Variants in FAM178B observed in about 807,000 individuals in gnomAD.
FAM178B encodes the protein protein FAM178B.
In FAM178B, 82 loss-of-function variants were observed where a neutral mutation model predicts 91.7. The observed-to-expected ratio is 0.89, with a 90% CI of 0.75 to 1.07. FAM178B has a LOEUF of 1.07. Among genes scored for constraint, FAM178B ranks in the 50% least tolerant of loss-of-function variants. The probability of loss-of-function intolerance (pLI) is 0.00; values close to 1 mark genes in which losing one functional copy is unlikely to be tolerated. For missense variants in FAM178B, 769 were observed against 846.7 expected (o/e 0.91, Z 1.14); for synonymous variants, 368 against 359.4 (o/e 1.02, Z -0.27).
intron 12 of FAM178B, among the ~76,000 whole-genome samples, chr2:96,904,465 G>A (rs2080992330): frequency 6.6e-6 from 1 of 151,842 alleles, no homozygotes; most frequent in South Asian, 2.1e-4. Context: ...TCTGCCTCCC[G>A]GGTTCAAGCA....
At chr2:96,966,185 C>G (rs1465268025) in intron 5 of FAM178B, among the ~76,000 whole-genome samples, 1 of 152,118 alleles carries the variant, frequency 6.6e-6, no homozygotes, top group Admixed American at 6.6e-5. Context: ...GCCAGGTGCA[C>G]TCCCACAGCA....
chr2:96,905,838 ATATATATATATATATATATATATTTTTT>A (rs2081030247), intron 12 of FAM178B, among the ~76,000 whole-genome samples: 4 of 29,256 alleles, frequency 1.4e-4, no homozygotes, highest in South Asian at 8.6e-4. Flanking sequence ...ATATATATAT[ATATATATATATATATATATATATTTTTT>A]TTTTTTTTTT....
At chr2:96,896,071 C>G (rs1278432311) in intron 13 of FAM178B, among the ~76,000 whole-genome samples, 1 of 152,222 alleles carries the variant, frequency 6.6e-6, no homozygotes, top group Non-Finnish European at 1.5e-5. Flanking sequence ...AAGATAGTTT[C>G]CAGAACAGTT....
chr2:96,975,567 T>C (rs2082278283), intron 1 of FAM178B, among the ~76,000 whole-genome samples: 2 of 152,234 alleles, frequency 1.3e-5, no homozygotes, highest in Non-Finnish European at 1.5e-5. Flanking sequence ...GCTCAAAACA[T>C]TCCAATTATT....
At chr2:96,901,738 C>T (rs1291557452) in intron 13 of FAM178B, among the ~76,000 whole-genome samples, 1 of 151,990 alleles carries the variant, frequency 6.6e-6, no homozygotes, top group Non-Finnish European at 1.5e-5. Context: ...GATGGCTGCA[C>T]AACACTGTGA....
chr2:96,934,182 C>G (rs1447938834), intron 8 of FAM178B, among the ~76,000 whole-genome samples: 1 of 152,194 alleles, frequency 6.6e-6, no homozygotes, highest in Non-Finnish European at 1.5e-5. Context: ...ACAACGCACA[C>G]ATGAAAGATA....
rs550237463 is a variant in FAM178B, at chr2:96,919,072, A to C, written c.1562+2093T>G. Among the ~76,000 whole-genome samples the C allele has an allele frequency of 9.2e-5, 14 of 152,302 alleles. No individual in the cohort carries two copies. The South Asian group carries it at 2.7e-3, about 29-fold the overall frequency. On this transcript the variant is annotated intron_variant, in intron 12 of 16. Coordinates refer to ENST00000490605, the MANE Select transcript of FAM178B (RefSeq NM_001122646.3). ...GAGACGTGAGCCCGTCAATGCTCCCAGCTGAATAAAGCCCTTTCCTTCCAC... is the reference window on the plus strand; with the variant it reads ...GAGACGTGAGCCCGTCAATGCTCCCCGCTGAATAAAGCCCTTTCCTTCCAC...
At chr2:96,907,484 C>T (rs1050331419) in intron 12 of FAM178B, among the ~76,000 whole-genome samples, 2 of 152,124 alleles carry the variant, frequency 1.3e-5, no homozygotes, top group African/African-American at 4.8e-5. Flanking sequence ...GCCATGGGGC[C>T]ATCCCAGCCA....
At chr2:96,972,880 T>C (rs2082241865) in intron 1 of FAM178B, among the ~76,000 whole-genome samples, 1 of 151,746 alleles carries the variant, frequency 6.6e-6, no homozygotes, top group African/African-American at 2.4e-5. Flanking sequence ...TGCAGCGGCG[T>C]GATCTTGGCT....
chr2:96,948,581 C>T (rs2081869798), intron 7 of FAM178B, among the ~76,000 whole-genome samples: 1 of 152,244 alleles, frequency 6.6e-6, no homozygotes, highest in African/African-American at 2.4e-5. Flanking sequence ...TAGGGGCACT[C>T]ACCAAGTTCA....
intron 12 of FAM178B, among the ~76,000 whole-genome samples, chr2:96,913,170 G>A (rs2081187705): frequency 6.6e-6 from 1 of 152,242 alleles, no homozygotes; most frequent in South Asian, 2.1e-4. Flanking sequence ...GCAGTGGGCA[G>A]CAGGGAGGTG....
chr2:96,936,276 A>C (rs2081625494), intron 8 of FAM178B, among the ~76,000 whole-genome samples: 1 of 151,986 alleles, frequency 6.6e-6, no homozygotes, highest in African/African-American at 2.4e-5. Flanking sequence ...ATCTCTGCTC[A>C]CTGTAAGCTC....
intron 14 of FAM178B, among the ~76,000 whole-genome samples, chr2:96,885,420 C>T (rs139679100): frequency 0.017 from 2,647 of 152,332 alleles, 79 homozygotes; most frequent in African/African-American, 0.06. Context: ...TAAGTTCTAT[C>T]TCTAGCTGGG....
chr2:96,902,878 A>G (rs2080960897), intron 12 of FAM178B, among the ~76,000 whole-genome samples, 171 bp from the exon 13 acceptor site: 1 of 152,216 alleles, frequency 6.6e-6, no homozygotes, highest in Non-Finnish European at 1.5e-5. Context: ...AGGAGGAATG[A>G]AACTCTCATG....
At chr2:96,948,338 C>T (rs2081865815) in intron 7 of FAM178B, among the ~76,000 whole-genome samples, 1 of 152,212 alleles carries the variant, frequency 6.6e-6, no homozygotes, top group African/African-American at 2.4e-5. Flanking sequence ...CTCTGTGATC[C>T]TCAAATCATT....
At chr2:96,925,744 C>T (rs1360113116) in intron 9 of FAM178B, among the ~76,000 whole-genome samples, 2 of 152,200 alleles carry the variant, frequency 1.3e-5, no homozygotes, top group East Asian at 1.9e-4. Flanking sequence ...TACTCATTAA[C>T]CTTACAAGGG....
chr2:96,894,978 TC>T, intron 13 of FAM178B: 4 of 1,107,704 alleles, frequency 3.6e-6, no homozygotes, highest in Non-Finnish European at 4.8e-6. Context: ...CTTGCATCCC[TC>T]TCTTTTGGTT....
At chr2:96,975,515 AGT>A (rs1444523703) in intron 1 of FAM178B, among the ~76,000 whole-genome samples, 1 of 152,230 alleles carries the variant, frequency 6.6e-6, no homozygotes, top group Non-Finnish European at 1.5e-5. Context: ...AGATCAAATC[AGT>A]GTAACTGGGA....
intron 12 of FAM178B, among the ~76,000 whole-genome samples, chr2:96,920,702 G>A (rs1378031866): frequency 1.3e-5 from 2 of 152,226 alleles, no homozygotes; most frequent in Admixed American, 1.3e-4. Flanking sequence ...AGCTGTTCTG[G>A]TAGAGGTAAC....
Sources: allele counts gnomAD v4.1 joint callset (sites outside exome capture counted in the v4.1 genomes callset), GRCh38; gene constraint gnomAD v4.1.1; transcripts MANE v1.5; gene names NCBI Gene and HGNC (gene_info 2026-07-23, HGNC 2026-07-21).